The following DPP10 variants were observed in gnomAD, a reference collection of about 807,000 sequenced individuals.
DPP10 encodes the protein dipeptidyl peptidase like 10, also known as inactive dipeptidyl peptidase 10.
A neutral mutation model predicts 120.9 loss-of-function variants in DPP10; 33 were observed. That is an observed-to-expected ratio of 0.27 (90% CI 0.21 to 0.37). The LOEUF is 0.37. Among genes scored for constraint, DPP10 ranks in the 10% least tolerant of loss-of-function variants. The pLI is 1.00. For missense variants in DPP10, 816 were observed against 942.8 expected (o/e 0.87, Z 1.76); for synonymous variants, 337 against 326.1 (o/e 1.03, Z -0.36).
At chr2:114,543,883 G>GT (rs150134357) in intron 1 of DPP10, among the ~76,000 whole-genome samples, 27 of 106,308 alleles carry the variant, frequency 2.5e-4, no homozygotes, top group Admixed American at 4.7e-4. Context: ...TTTGTTGTTG[G>GT]TGGTGGTGGT....
intron 1 of DPP10, among the ~76,000 whole-genome samples, chr2:114,738,996 G>A (rs997009095): frequency 6.6e-6 from 1 of 152,126 alleles, no homozygotes; most frequent in Admixed American, 6.5e-5. Context: ...CCCAGCACTA[G>A]AAATAGAGTT....
chr2:114,849,855 A>G (rs1688814549), intron 1 of DPP10, among the ~76,000 whole-genome samples: 1 of 152,152 alleles, frequency 6.6e-6, no homozygotes, highest in African/African-American at 2.4e-5. Flanking sequence ...GCCTTACCAC[A>G]CATGGCTCTG....
At chr2:115,685,718 A>T (rs566813380) in intron 5 of DPP10, among the ~76,000 whole-genome samples, 25 of 152,172 alleles carry the variant, frequency 1.6e-4, no homozygotes, top group Non-Finnish European at 2.4e-4. Flanking sequence ...GCCTGTATCA[A>T]AGATATTAAC....
chr2:114,812,583 G>GACACACAC (rs3036385), intron 1 of DPP10, among the ~76,000 whole-genome samples: 1,675 of 134,498 alleles, frequency 0.012, 49 homozygotes, highest in African/African-American at 0.044. Flanking sequence ...GTGAGACATT[G>GACACACAC]ACACACACAC....
intron 5 of DPP10, among the ~76,000 whole-genome samples, chr2:115,619,119 G>GTTTT (rs11409177): frequency 3.6e-5 from 3 of 84,498 alleles, no homozygotes; most frequent in Middle Eastern, 9.7e-3. Flanking sequence ...ATCATTTGTA[G>GTTTT]TTTTTTTTTT....
At chr2:114,536,664 T>C (rs1686527816) in intron 1 of DPP10, among the ~76,000 whole-genome samples, 1 of 152,148 alleles carries the variant, frequency 6.6e-6, no homozygotes, top group Non-Finnish European at 1.5e-5. Flanking sequence ...CTCGGCCTCT[T>C]AAAGGGCTGG....
chr2:115,454,147 A>T (rs1159321847), intron 3 of DPP10, among the ~76,000 whole-genome samples: 1 of 151,476 alleles, frequency 6.6e-6, no homozygotes, highest in Non-Finnish European at 1.5e-5. Flanking sequence ...ATATTTAAAG[A>T]AGAAATAGTA....
At chr2:114,497,373 AC>A (rs1682746169) in intron 1 of DPP10, among the ~76,000 whole-genome samples, 1 of 143,750 alleles carries the variant, frequency 7.0e-6, no homozygotes, top group Admixed American at 7.1e-5. Context: ...ATACACATGT[AC>A]ATATACATAT....
intron 1 of DPP10, among the ~76,000 whole-genome samples, chr2:114,839,078 A>G (rs1398464489): frequency 6.6e-6 from 1 of 152,176 alleles, no homozygotes; most frequent in African/African-American, 2.4e-5. Context: ...ACTATTGAAA[A>G]TCAGCCTCAT....
chr2:115,126,058 G>T (rs2050068194), intron 1 of DPP10, among the ~76,000 whole-genome samples: 1 of 151,942 alleles, frequency 6.6e-6, no homozygotes, highest in African/African-American at 2.4e-5. Flanking sequence ...ATATAATTTT[G>T]TTCTAGTCTA....
At chr2:114,963,653 A>G (rs1698807499) in intron 1 of DPP10, among the ~76,000 whole-genome samples, 1 of 152,168 alleles carries the variant, frequency 6.6e-6, no homozygotes, top group Non-Finnish European at 1.5e-5. Flanking sequence ...CACAGAAAAT[A>G]CTGCCTTAGG....
intron 8 of DPP10, among the ~76,000 whole-genome samples, chr2:115,733,870 CA>C (rs2092968975): frequency 6.6e-6 from 1 of 152,072 alleles, no homozygotes; most frequent in Non-Finnish European, 1.5e-5. Context: ...GATGAAGAGC[CA>C]AACGTACACT....
chr2:115,316,940 G>A (rs2061823791), intron 2 of DPP10, among the ~76,000 whole-genome samples: 3 of 151,994 alleles, frequency 2.0e-5, no homozygotes, highest in South Asian at 4.2e-4. Flanking sequence ...AGACCCCATC[G>A]CAACTAAAAG....
rs527870824 is a variant in DPP10 at position 115,623,094 on chromosome 2, C to T, written c.442-66593C>T. Among the ~76,000 whole-genome samples the T allele has an allele frequency of 1.8e-4, 27 of 152,286 alleles. 1 individual carries two copies. In the South Asian group the frequency reaches 5.2e-3, roughly 29 times the overall value. ...TCTCCTGACCTCGTGATCCGCCCGCCTCGGCCTCCCAAAGTGCTGGGATTA... is the reference window on the plus strand; with the variant it reads ...TCTCCTGACCTCGTGATCCGCCCGCTTCGGCCTCCCAAAGTGCTGGGATTA... On this transcript the variant is annotated intron_variant, in intron 5 of 25. Transcript: ENST00000410059.
At chr2:115,081,771 G>T (rs992626732) in intron 1 of DPP10, among the ~76,000 whole-genome samples, 1 of 152,122 alleles carries the variant, frequency 6.6e-6, no homozygotes, top group Non-Finnish European at 1.5e-5. Context: ...AGTTCAAGAC[G>T]TGGTACAGAA....
chr2:114,728,714 G>A (rs937087234), intron 1 of DPP10, among the ~76,000 whole-genome samples: 3 of 152,040 alleles, frequency 2.0e-5, no homozygotes, highest in East Asian at 1.9e-4. Context: ...TTCTCTCTAC[G>A]TCCAATGAGC....
chr2:114,885,940 G>A (rs1574416842), intron 1 of DPP10, among the ~76,000 whole-genome samples: 1 of 152,128 alleles, frequency 6.6e-6, no homozygotes, highest in Non-Finnish European at 1.5e-5. Flanking sequence ...AAATATTGAT[G>A]TAAGAGTTTT....
chr2:114,961,188 G>C (rs560019691), intron 1 of DPP10, among the ~76,000 whole-genome samples: 2 of 151,768 alleles, frequency 1.3e-5, no homozygotes, highest in African/African-American at 4.8e-5. Context: ...CCAGGTAGCT[G>C]GGATTACAGG....
intron 3 of DPP10, among the ~76,000 whole-genome samples, chr2:115,422,882 C>T (rs2070108338): frequency 6.6e-6 from 1 of 152,064 alleles, no homozygotes; most frequent in South Asian, 2.1e-4. Flanking sequence ...GAAGGGATTT[C>T]ATTTTATCCC....
Sources: allele counts gnomAD v4.1 joint callset (sites outside exome capture counted in the v4.1 genomes callset), GRCh38; gene constraint gnomAD v4.1.1; transcripts MANE v1.5; gene names NCBI Gene and HGNC (gene_info 2026-07-23, HGNC 2026-07-21).